Variants in DNAJB5 observed in about 807,000 individuals in gnomAD.
DNAJB5 encodes the protein DnaJ heat shock protein family (Hsp40) member B5.
Under a neutral mutation model 32.6 loss-of-function variants are expected in DNAJB5, and 12 were observed. The ratio of observed to expected loss-of-function variants is 0.37; its 90% CI spans 0.24 to 0.60. The LOEUF is 0.60. Ranked by LOEUF, DNAJB5 falls within the 20% of genes least tolerant of loss-of-function variation. The probability of loss-of-function intolerance (pLI) is 0.71; values close to 1 mark genes in which losing one functional copy is unlikely to be tolerated. For synonymous variants in DNAJB5, 188 were observed against 212.9 expected, an observed-to-expected ratio of 0.88 and a Z score of 1.02; for missense variants, 358 against 554.2, an observed-to-expected ratio of 0.65 and a Z score of 3.55.
At position 34,996,598 on chromosome 9, in the gene DNAJB5, T is replaced by C; in HGVS notation, c.761T>C (p.Ile254Thr). The change falls in exon 4 of 5, where the codon ATC becomes ACC. Residue 254 changes from isoleucine (I) to threonine (T), a missense_variant. Coordinates refer to ENST00000682809, the MANE Select transcript of DNAJB5 (RefSeq NM_001349723.3). This position sits in a 1 kb window ranked among gnomAD's most constrained non-coding sequence, Gnocchi z 7.2. ...GAGCTGCGGGTGTCCCTGGAGGAGA[T>C]CTACCATGGCTCCACCAAGCGCATG... ...VHELRVSLEE[I>T]YHGSTKRMKI... The C allele has an allele frequency of 6.2e-7, 1 of 1,614,010 alleles. No homozygotes were observed. The highest frequency in any genetic ancestry group is 8.5e-7 in the Non-Finnish European group (1 of 1,180,004).
rs1177679687 is a variant in DNAJB5 at position 34,998,248 on chromosome 9, C to T, written c.*989C>T. Reference sequence around the variant, plus strand: ...CCTTTTATGCCTGTGTGATCCCACCCCACCCCCATAGTTGTATAAAGGTCA... The same window carrying T: ...CCTTTTATGCCTGTGTGATCCCACCTCACCCCCATAGTTGTATAAAGGTCA... On this transcript the variant is annotated 3_prime_UTR_variant, in exon 5 of 5. Coordinates refer to ENST00000682809, the MANE Select transcript of DNAJB5 (RefSeq NM_001349723.3). 6 of 152,568 alleles carry T rather than the reference C, an allele frequency of 3.9e-5. No homozygotes were observed. Among genetic ancestry groups the T allele is most frequent in the Admixed American group, 3.9e-4 (6 of 15,280 alleles). 9.5% of individuals were successfully genotyped at this position (152,568 alleles called of 1,614,324 possible).
chr9:34,997,155 C>A lies in DNAJB5; in HGVS notation c.1159C>A (p.Pro387Thr). ...RGEGLPFPKVPTQRGDLIVEF... is the reference protein window; with the variant it reads ...RGEGLPFPKVTTQRGDLIVEF... ...GGAGGGCCTTCCCTTCCCCAAAGTG[C>A]CAACTCAGCGAGGAGACCTCATTGT... is the stretch of plus-strand genomic sequence containing the variant. Residue 387 changes from proline (P) to threonine (T), a missense_variant, in exon 5 of 5, where the codon CCA (proline) becomes ACA (threonine). Coordinates refer to ENST00000682809, the MANE Select transcript of DNAJB5 (RefSeq NM_001349723.3). This position sits in a 1 kb window ranked among gnomAD's most constrained non-coding sequence, Gnocchi z 4.1. The A allele has an allele frequency of 1.9e-6, 3 of 1,614,190 alleles. No individual in the cohort carries two copies. The highest frequency in any genetic ancestry group is 2.5e-6 in the Non-Finnish European group (3 of 1,180,036).
intron 2 of DNAJB5, chr9:34,991,068 C>T (rs945477001): frequency 3.7e-6 from 2 of 538,304 alleles, no homozygotes; most frequent in East Asian, 6.5e-5. Flanking sequence ...CCCTTTCAAC[C>T]CATCATTAAC....
In DNAJB5 at chr9:34,997,332, C is replaced by A; in HGVS notation, c.*73C>A. 6.8e-7 allele frequency: 1 copy of A among 1,470,668 alleles called. No homozygotes were observed. Among genetic ancestry groups the A allele is most frequent in the Non-Finnish European group, 9.5e-7 (1 of 1,050,390 alleles). The allele number at this position is 1,470,668 out of a possible 1,614,324, so 91.1% of individuals were successfully genotyped here. A position where few individuals can be genotyped will look rare whatever the true frequency, so the allele number is the denominator to read the frequency against. ...CTCACTCCACTCAATGTGCACCCAG[C>A]TTGATGTCCACTGGACACTGGCAAC... On this transcript the variant is annotated 3_prime_UTR_variant, in exon 5 of 5. Transcript: ENST00000682809. This position sits in a 1 kb window ranked among gnomAD's most constrained non-coding sequence, Gnocchi z 4.1.
intron 2 of DNAJB5, chr9:34,991,405 A>G (rs1171341456): frequency 2.2e-6 from 1 of 456,038 alleles, no homozygotes; most frequent in East Asian, 6.9e-5. Context: ...ATGGGCCTAG[A>G]GCAGCTAGCA....
At chr9:34,989,921 G>A (rs2132967630) in intron 1 of DNAJB5, 90 bp downstream of exon 1, 3 of 1,245,564 alleles carry the variant, frequency 2.4e-6, no homozygotes, top group Middle Eastern at 3.1e-4. Context: ...GACACTGAGG[G>A]CCCGTAGGCT....
At position 34,996,275 on chromosome 9, in the gene DNAJB5, C is replaced by T. The variant is rs765696926; in HGVS notation, c.438C>T (p.Thr146=). 2.6e-5 allele frequency: 42 copies of T among 1,612,844 alleles called. No individual in the cohort carries two copies. In the African/African-American group the frequency reaches 2.7e-4, roughly 10 times the overall value. Residue 146 remains threonine, a synonymous_variant, in exon 4 of 5, where the codon ACC becomes ACT. Transcript: ENST00000682809. This position sits in a 1 kb window ranked among gnomAD's most constrained non-coding sequence, Gnocchi z 7.2. ...YDQYGEEGLK[T]GGGTSGGSSG... is the part of the protein sequence containing the mutation. ...TCTCCTCCCCTCTAGGCCTGAAGAC[C>T]GGCGGTGGCACATCAGGTGGCTCCA...
chr9:34,997,059 A>G lies in DNAJB5; in HGVS notation c.1063A>G (p.Ile355Val), dbSNP rs760717252. ...LCGCTVNIPT[I>V]DGRVIPLPCN... The stretch of plus-strand genomic sequence containing the variant: ...TGGCTGCACTGTGAACATTCCCACT[A>G]TCGACGGCCGAGTGATCCCTTTGCC... The change falls in exon 5 of 5, where the codon ATC becomes GTC. Residue 355 changes from isoleucine to valine, a missense_variant. Physicochemically the swap from Ile to Val is conservative, Grantham distance 29. Around this residue, in one of 2 missense-constraint regions of DNAJB5, gnomAD observed 248 missense variants for 442.6 expected, o/e 0.56. Coordinates refer to ENST00000682809, the MANE Select transcript of DNAJB5 (RefSeq NM_001349723.3). The surrounding 1 kb of genome is among the most constrained non-coding windows in gnomAD (Gnocchi z 4.1). The G allele has an allele frequency of 3.7e-6, 6 of 1,613,804 alleles. No homozygotes were observed. Among genetic ancestry groups the G allele is most frequent in the Non-Finnish European group, 5.1e-6 (6 of 1,180,012 alleles).
rs1827799529 is a variant in DNAJB5 at position 34,996,503 on chromosome 9, T to C, written c.666T>C (p.Ser222=). 5 of 1,613,984 alleles carry C rather than the reference T, an allele frequency of 3.1e-6. No homozygotes were observed. The highest frequency in any genetic ancestry group is 4.2e-6 in the Non-Finnish European group (5 of 1,179,996). The part of the protein sequence containing the change: ...AFGRFGFNGL[S]RGPRRAPEPL... ...GCCGTTTTGGCTTCAATGGGCTGAG[T>C]AGGGGTCCAAGGCGAGCCCCAGAAC... Residue 222 remains serine, a synonymous_variant, in exon 4 of 5, where the codon AGT becomes AGC. Coordinates refer to ENST00000682809, the MANE Select transcript of DNAJB5 (RefSeq NM_001349723.3). The surrounding 1 kb of genome is among the most constrained non-coding windows in gnomAD (Gnocchi z 7.2).
chr9:34,996,237 A>G lies in DNAJB5; in HGVS notation c.428-28A>G, dbSNP rs1242347509. 1 of 1,594,968 alleles carries G rather than the reference A, an allele frequency of 6.3e-7. No individual in the cohort carries two copies. The highest frequency in any genetic ancestry group is 2.2e-5 in the East Asian group (1 of 44,712). ...TGGGATTGGGGCCAGAATAAGCCAC[A>G]CTGCCCCTAACTTCTCCTCCCCTCT... is the stretch of plus-strand genomic sequence containing the variant. On this transcript the variant is annotated intron_variant, in intron 3 of 4. Transcript: ENST00000682809. This position sits in a 1 kb window ranked among gnomAD's most constrained non-coding sequence, Gnocchi z 7.2.
In DNAJB5 at chr9:34,990,852, G is replaced by T; in HGVS notation, c.182+40G>T. On this transcript the variant is annotated intron_variant, in intron 2 of 4. Transcript: ENST00000682809. This position sits in a 1 kb window ranked among gnomAD's most constrained non-coding sequence, Gnocchi z 4.5. ...AGAAGGGCACTCACACCCATACCCA[G>T]TCAAACCCTCCACGCGGCCATCCCC... is the stretch of plus-strand genomic sequence containing the variant. 5.9e-6 allele frequency: 9 copies of T among 1,520,448 alleles called. No homozygotes were observed. Among genetic ancestry groups the T allele is most frequent in the Non-Finnish European group, 7.1e-6 (8 of 1,132,044 alleles). 94.2% of individuals were successfully genotyped at this position (1,520,448 alleles called of 1,614,324 possible). A position where few individuals can be genotyped will look rare whatever the true frequency, so the allele number is the denominator to read the frequency against.
chr9:34,990,191 C>T lies in DNAJB5; in HGVS notation c.-132-308C>T, dbSNP rs1827583514. 1.6e-6 allele frequency: 2 copies of T among 1,244,124 alleles called. No homozygotes were observed. Among genetic ancestry groups the T allele is most frequent in the Admixed American group, 3.1e-5 (1 of 32,066 alleles). 77.1% of individuals were successfully genotyped at this position (1,244,124 alleles called of 1,614,324 possible). ...CCTCTCCTCGCCGCGCCTTTTGTCCCGGCCGAGCTCCGCTCTGCCCCGCCC... is the reference window on the plus strand; with the variant it reads ...CCTCTCCTCGCCGCGCCTTTTGTCCTGGCCGAGCTCCGCTCTGCCCCGCCC... On this transcript the variant is annotated intron_variant, in intron 1 of 4. Coordinates refer to ENST00000682809, the MANE Select transcript of DNAJB5 (RefSeq NM_001349723.3). The surrounding 1 kb of genome is among the most constrained non-coding windows in gnomAD (Gnocchi z 4.5).
chr9:34,989,905 G>A, intron 1 of DNAJB5, 74 bp downstream of exon 1: 1 of 1,248,890 alleles, frequency 8.0e-7, no homozygotes, highest in South Asian at 3.4e-5. Context: ...GGTGTTGGGG[G>A]GTTGGGACAC....
At position 34,993,071 on chromosome 9, in the gene DNAJB5, C is replaced by T. The variant is rs1027267268; in HGVS notation, c.183-129C>T. 25 of 1,446,552 alleles carry T rather than the reference C, an allele frequency of 1.7e-5. No homozygotes were observed. The African/African-American group carries it at 2.4e-4, about 14-fold the overall frequency. The allele number at this position is 1,446,552 out of a possible 1,614,324, so 89.6% of individuals were successfully genotyped here. A position where few individuals can be genotyped will look rare whatever the true frequency, so the allele number is the denominator to read the frequency against. On this transcript the variant is annotated intron_variant, in intron 2 of 4. Coordinates refer to ENST00000682809, the MANE Select transcript of DNAJB5 (RefSeq NM_001349723.3). The surrounding 1 kb of genome is among the most constrained non-coding windows in gnomAD (Gnocchi z 4.7). ...ACCTTTCATTTTACAGATGGGGGGACGCAGGCCCACAGAACAGGCATGACC... is the reference window on the plus strand; with the variant it reads ...ACCTTTCATTTTACAGATGGGGGGATGCAGGCCCACAGAACAGGCATGACC...
rs768950473 is a variant in DNAJB5 at position 34,997,482 on chromosome 9, G to T, written c.*223G>T. The T allele has an allele frequency of 3.4e-5, 23 of 679,264 alleles. No individual in the cohort carries two copies. Among genetic ancestry groups the T allele is most frequent in the African/African-American group, 1.8e-5 (1 of 56,606 alleles). 42.1% of individuals were successfully genotyped at this position (679,264 alleles called of 1,614,324 possible). ...TGGGGAGAGCTAGCCCAGGCCAGGGGTCAATGTTCATGTCACTAGCTTTCA... is the reference window on the plus strand; with the variant it reads ...TGGGGAGAGCTAGCCCAGGCCAGGGTTCAATGTTCATGTCACTAGCTTTCA... On this transcript the variant is annotated 3_prime_UTR_variant, in exon 5 of 5. Coordinates refer to ENST00000682809, the MANE Select transcript of DNAJB5 (RefSeq NM_001349723.3). This position sits in a 1 kb window ranked among gnomAD's most constrained non-coding sequence, Gnocchi z 4.1.
At chr9:34,994,430 C>T (rs1827737284) in intron 3 of DNAJB5, among the ~76,000 whole-genome samples, 1 of 152,184 alleles carries the variant, frequency 6.6e-6, no homozygotes, top group Admixed American at 6.5e-5. Flanking sequence ...TCCATGCTGC[C>T]GGTTCCTTCC....
Position 34,990,667 on chromosome 9 carries a change from G to A in DNAJB5, c.37G>A (p.Ala13Thr). The A allele has an allele frequency of 6.4e-7, 1 of 1,551,694 alleles. No individual in the cohort carries two copies. Among genetic ancestry groups the A allele is most frequent in the Non-Finnish European group, 8.7e-7 (1 of 1,146,990 alleles). The change falls in exon 2 of 5, where the codon GCA (alanine) becomes ACA (threonine). Residue 13 changes from alanine (A) to threonine (T), a missense_variant. Physicochemically the swap from Ala to Thr is moderately conservative, Grantham distance 58 (BLOSUM62 0). Around this residue, in one of 2 missense-constraint regions of DNAJB5, gnomAD observed 110 missense variants for 111.7 expected, o/e 0.99. Coordinates refer to ENST00000682809, the MANE Select transcript of DNAJB5 (RefSeq NM_001349723.3). This position sits in a 1 kb window ranked among gnomAD's most constrained non-coding sequence, Gnocchi z 4.5. ...KRTVLSCPPP[A>T]APPLQARGAF... ...CACAGTGCTCTCCTGCCCACCCCCA[G>A]CAGCACCCCCACTGCAGGCCCGAGG...
At position 34,989,764 on chromosome 9, in the gene DNAJB5, GA is replaced by G. The variant is rs1265213860; in HGVS notation, c.-199del. On this transcript the variant is annotated 5_prime_UTR_variant, in exon 1 of 5. Transcript: ENST00000682809. ...ACTCCTGTCCCGGGTGGAGGCGGCG[GA>G]GCCGGAGCCGGGGGAGGGGGCAGCG... is the stretch of plus-strand genomic sequence containing the variant. The G allele has an allele frequency of 8.1e-7, 1 of 1,231,330 alleles. No homozygotes were observed. Among genetic ancestry groups the G allele is most frequent in the Non-Finnish European group, 1.0e-6 (1 of 987,654 alleles). The allele number at this position is 1,231,330 out of a possible 1,614,324, so 76.3% of individuals were successfully genotyped here.
In DNAJB5 at chr9:34,990,305, GA is replaced by G. The variant is rs1315409946; in HGVS notation, c.-132-193del. 1.4e-6 allele frequency: 2 copies of G among 1,430,556 alleles called. No individual in the cohort carries two copies. The highest frequency in any genetic ancestry group is 2.8e-5 in the African/African-American group (2 of 70,738). 88.6% of individuals were successfully genotyped at this position (1,430,556 alleles called of 1,614,324 possible). On this transcript the variant is annotated intron_variant, in intron 1 of 4. Transcript: ENST00000682809. The surrounding 1 kb of genome is among the most constrained non-coding windows in gnomAD (Gnocchi z 4.5). Reference sequence around the variant, plus strand: ...GGTCCTCCCCAGTGAGAGGCGACAGGAGCTCACTGCCTCTCGGGCCCTCACA... The same window carrying G: ...GGTCCTCCCCAGTGAGAGGCGACAGGGCTCACTGCCTCTCGGGCCCTCACA...
Sources: gnomAD v4.1 joint callset for allele counts (sites outside exome capture counted in the v4.1 genomes callset) on GRCh38, gnomAD v4.1.1 for gene constraint, gnomAD v4.1.1 regional missense constraint, Gnocchi (gnomAD v3.1) non-coding constraint, MANE v1.5 for transcripts, NCBI Gene and HGNC (gene_info 2026-07-23, HGNC 2026-07-21) for gene names.